PTPRD: variants seen among roughly 807,000 people sequenced by gnomAD.
The protein encoded by PTPRD is protein tyrosine phosphatase receptor type D, also known as receptor-type tyrosine-protein phosphatase delta.
Under a neutral mutation model 214.5 loss-of-function variants are expected in PTPRD, and 34 were observed. The observed-to-expected ratio is 0.16, with a 90% confidence interval of 0.12 to 0.21. The LOEUF (loss-of-function observed/expected upper bound fraction) is 0.21. Among genes scored for constraint, PTPRD ranks in the 10% least tolerant of loss-of-function variants. PTPRD has a pLI of 1.00. For synonymous variants in PTPRD, 1,128 were observed against 845.7 expected, an observed-to-expected ratio of 1.33 and a Z score of -5.79; for missense variants, 2,545 against 2,398.7, an observed-to-expected ratio of 1.06 and a Z score of -1.27.
intron 8 of PTPRD, among the ~76,000 whole-genome samples, chr9:9,432,088 T>A (rs11794871): frequency 2.2e-5 from 3 of 136,190 alleles, no homozygotes; most frequent in Admixed American, 1.5e-4. Flanking sequence ...ATAATAATAA[T>A]AAAAGAAACA....
rs547943493 is a variant in PTPRD, at chr9:10,330,239, A to G, written c.-545+10724T>C. Reference sequence around the variant, plus strand: ...ACTTTGTAAATCCCAATAGCTAATGATGGTGTATTCCAACATCTGGATTGA... The same window carrying G: ...ACTTTGTAAATCCCAATAGCTAATGGTGGTGTATTCCAACATCTGGATTGA... On this transcript the variant is annotated intron_variant, in intron 3 of 45. Coordinates refer to ENST00000381196, the MANE Select transcript of PTPRD (RefSeq NM_002839.4). Among the ~76,000 whole-genome samples, 4 of 151,918 alleles carry G rather than the reference A, an allele frequency of 2.6e-5. No individual in the cohort carries two copies. The South Asian group carries it at 8.3e-4, about 31-fold the overall frequency.
At chr9:8,757,790 G>T (rs1234446602) in intron 11 of PTPRD, among the ~76,000 whole-genome samples, 1 of 151,862 alleles carries the variant, frequency 6.6e-6, no homozygotes, top group African/African-American at 2.4e-5. Context: ...TCATGATACT[G>T]CATTCCAAAA....
intron 4 of PTPRD, among the ~76,000 whole-genome samples, chr9:9,989,737 A>T (rs991699314): frequency 2.0e-5 from 3 of 152,198 alleles, no homozygotes; most frequent in African/African-American, 7.2e-5. Flanking sequence ...GCAAAGCTAA[A>T]AGAGTGCACT....
intron 35 of PTPRD, among the ~76,000 whole-genome samples, chr9:8,412,689 G>A (rs964051825): frequency 2.0e-5 from 3 of 152,200 alleles, no homozygotes; most frequent in African/African-American, 7.2e-5. Context: ...AGGAATATCT[G>A]CATTCTCCTT....
chr9:9,278,281 G>C (rs954251242), intron 9 of PTPRD, among the ~76,000 whole-genome samples: 6 of 151,144 alleles, frequency 4.0e-5, no homozygotes, highest in African/African-American at 9.7e-5. Context: ...GGCATTTTCA[G>C]AATCTTTTAT....
At chr9:9,760,928 G>T (rs1175289142) in intron 6 of PTPRD, among the ~76,000 whole-genome samples, 1 of 152,126 alleles carries the variant, frequency 6.6e-6, no homozygotes, top group Non-Finnish European at 1.5e-5. Context: ...ACAGAGAAAT[G>T]AGCTAACTCA....
intron 8 of PTPRD, among the ~76,000 whole-genome samples, chr9:9,443,269 G>T (rs2144613262): frequency 6.6e-6 from 1 of 152,224 alleles, no homozygotes; most frequent in Non-Finnish European, 1.5e-5. Flanking sequence ...ATAACAGCAT[G>T]GACAGGATCC....
intron 11 of PTPRD, among the ~76,000 whole-genome samples, chr9:8,809,539 CACTG>C (rs1269142902): frequency 2.0e-5 from 3 of 152,152 alleles, no homozygotes; most frequent in Non-Finnish European, 4.4e-5. Flanking sequence ...TCAGCTCAAC[CACTG>C]ACTATTTTCC....
At chr9:9,090,898 A>G (rs1333021838) in intron 10 of PTPRD, 10 of 1,343,446 alleles carry the variant, frequency 7.4e-6, no homozygotes, top group Admixed American at 6.7e-5. Context: ...TGCCTCCAAG[A>G]TGACAAAGAA....
At chr9:9,260,749 A>C (rs997606067) in intron 9 of PTPRD, among the ~76,000 whole-genome samples, 4 of 151,878 alleles carry the variant, frequency 2.6e-5, no homozygotes, top group Non-Finnish European at 5.9e-5. Context: ...GGGTGAAATA[A>C]AATGGTAGAC....
At chr9:8,487,884 G>T (rs10977158) in intron 27 of PTPRD, among the ~76,000 whole-genome samples, 1 of 151,844 alleles carries the variant, frequency 6.6e-6, no homozygotes, top group Non-Finnish European at 1.5e-5. Flanking sequence ...GGGGAGGGGG[G>T]AAGGCATGGT....
At chr9:10,173,636 A>G (rs2154299623) in intron 3 of PTPRD, among the ~76,000 whole-genome samples, 1 of 152,164 alleles carries the variant, frequency 6.6e-6, no homozygotes, top group East Asian at 1.9e-4. Context: ...TTTTTTTAAC[A>G]CACAGAAGAG....
chr9:8,476,371 C>G (rs1448621682), intron 30 of PTPRD, among the ~76,000 whole-genome samples: 4 of 152,166 alleles, frequency 2.6e-5, no homozygotes, highest in African/African-American at 9.7e-5. Flanking sequence ...TCCCTCCCCA[C>G]TGCTTACCTC....
intron 5 of PTPRD, among the ~76,000 whole-genome samples, chr9:9,881,070 C>T (rs1430936422): frequency 1.3e-5 from 2 of 151,960 alleles, no homozygotes; most frequent in Non-Finnish European, 2.9e-5. Context: ...GTCTCATTAG[C>T]CATTTTGGAA....
chr9:9,014,050 T>C (rs531965489), intron 11 of PTPRD, among the ~76,000 whole-genome samples: 1 of 152,230 alleles, frequency 6.6e-6, no homozygotes, highest in Admixed American at 6.5e-5. Flanking sequence ...TAAGTACTTG[T>C]TGTAGATAAC....
intron 9 of PTPRD, among the ~76,000 whole-genome samples, chr9:9,218,311 T>C (rs1224934177): frequency 6.6e-6 from 1 of 152,160 alleles, no homozygotes. Context: ...TGAATGTTGC[T>C]TGATGCTCAC....
chr9:9,223,405 G>C (rs986301016), intron 9 of PTPRD, among the ~76,000 whole-genome samples: 11 of 151,952 alleles, frequency 7.2e-5, no homozygotes, highest in African/African-American at 2.7e-4. Flanking sequence ...CCACACTTTA[G>C]AATGTTAAAC....
chr9:9,452,946 T>C (rs1418795733), intron 8 of PTPRD, among the ~76,000 whole-genome samples: 2 of 151,420 alleles, frequency 1.3e-5, no homozygotes, highest in African/African-American at 4.8e-5. Flanking sequence ...TAAAACTCCC[T>C]CTTTTGAATC....
At chr9:9,394,260 A>G (rs944930933) in intron 9 of PTPRD, among the ~76,000 whole-genome samples, 1 of 152,132 alleles carries the variant, frequency 6.6e-6, no homozygotes, top group Non-Finnish European at 1.5e-5. Flanking sequence ...GAGACCTTTT[A>G]AAAAATTCTG....
Sources: gnomAD v4.1 joint callset for allele counts (sites outside exome capture counted in the v4.1 genomes callset) on GRCh38, gnomAD v4.1.1 for gene constraint, MANE v1.5 for transcripts, NCBI Gene and HGNC (gene_info 2026-07-23, HGNC 2026-07-21) for gene names.